MAL2: variants seen among roughly 807,000 people sequenced by gnomAD.
The protein encoded by MAL2 is protein MAL2.
Under a neutral mutation model 18.1 loss-of-function variants are expected in MAL2, and 17 were observed. The ratio of observed to expected loss-of-function variants is 0.94; its 90% CI spans 0.64 to 1.41. The LOEUF is 1.41. Ranked by LOEUF, MAL2 falls within the 40% of genes most tolerant of loss-of-function variation. The pLI, the probability that MAL2 is intolerant of heterozygous loss-of-function variation, is 0.00. For synonymous variants in MAL2, 102 were observed against 102.3 expected (o/e 1.00, Z 0.02); for missense variants, 222 against 231.9 (o/e 0.96, Z 0.28).
intron 2 of MAL2, among the ~76,000 whole-genome samples, chr8:119,231,407 T>A (rs1162899477): frequency 1.3e-5 from 2 of 152,238 alleles, no homozygotes; most frequent in Non-Finnish European, 2.9e-5. Context: ...TGCTCTCCTT[T>A]GTAATATTGC....
intron 2 of MAL2, among the ~76,000 whole-genome samples, chr8:119,238,085 A>G (rs1817952960): frequency 6.6e-6 from 1 of 152,258 alleles, no homozygotes; most frequent in African/African-American, 2.4e-5. Context: ...AACTTCAGCA[A>G]AGTCTCAGGA....
intron 1 of MAL2, among the ~76,000 whole-genome samples, chr8:119,218,741 A>G (rs867007773): frequency 3.3e-5 from 5 of 152,178 alleles, no homozygotes; most frequent in African/African-American, 1.2e-4. Flanking sequence ...CCAAAGGATC[A>G]TATAGCCTCC....
intron 1 of MAL2, 53 bp from the exon 2 acceptor site, chr8:119,221,534 T>C (rs2129810281): frequency 6.3e-7 from 1 of 1,598,998 alleles, no homozygotes; most frequent in Non-Finnish European, 8.6e-7. Context: ...TTTAATTCTG[T>C]TGTGTGAAAG....
chr8:119,234,881 A>G (rs1817841546), intron 2 of MAL2, among the ~76,000 whole-genome samples: 1 of 152,088 alleles, frequency 6.6e-6, no homozygotes, highest in African/African-American at 2.4e-5. Context: ...TAAAAACTGG[A>G]AACTCTAAAA....
chr8:119,230,714 T>A (rs1817702465), intron 2 of MAL2, among the ~76,000 whole-genome samples: 1 of 152,214 alleles, frequency 6.6e-6, no homozygotes, highest in African/African-American at 2.4e-5. Flanking sequence ...GAGTGCCTAA[T>A]GATCTCAGAC....
intron 1 of MAL2, among the ~76,000 whole-genome samples, chr8:119,219,477 T>A (rs2129799051): frequency 6.6e-6 from 1 of 152,230 alleles, no homozygotes; most frequent in Admixed American, 6.5e-5. Flanking sequence ...CTAGCTTGTT[T>A]ACTAAGCAAA....
intron 2 of MAL2, among the ~76,000 whole-genome samples, chr8:119,238,307 C>T (rs58857566): frequency 0.078 from 11,923 of 152,178 alleles, 1,353 homozygotes; most frequent in African/African-American, 0.25. Flanking sequence ...ACATTCCATG[C>T]TCATGGGTAG....
chr8:119,235,427 AGATTCAG>A (rs1191188194), intron 2 of MAL2, among the ~76,000 whole-genome samples: 1 of 152,120 alleles, frequency 6.6e-6, no homozygotes, highest in African/African-American at 2.4e-5. Flanking sequence ...GCCAACATTC[AGATTCAG>A]GAAATACAGA....
chr8:119,228,412 T>G (rs1180682867), intron 2 of MAL2, among the ~76,000 whole-genome samples: 1 of 152,188 alleles, frequency 6.6e-6, no homozygotes, highest in Non-Finnish European at 1.5e-5. Flanking sequence ...AAACTCTTGC[T>G]TTTACCCCTA....
At chr8:119,237,816 A>T (rs1283630910) in intron 2 of MAL2, among the ~76,000 whole-genome samples, 2 of 152,010 alleles carry the variant, frequency 1.3e-5, no homozygotes, top group Non-Finnish European at 2.9e-5. Flanking sequence ...TCTATGACAA[A>T]CCCACAGCCA....
In MAL2 at chr8:119,224,987, T is replaced by A. The variant is rs532072235; in HGVS notation, c.303+3230T>A. Among the ~76,000 whole-genome samples, 354 of 152,214 alleles carry A rather than the reference T, an allele frequency of 2.3e-3. 7 individuals carry two copies. The highest frequency in any genetic ancestry group is 2.0e-3 in the Non-Finnish European group (136 of 68,008). On this transcript the variant is annotated intron_variant, in intron 2 of 3. Transcript: ENST00000614891. ...ATTTTTACAAATGAGAAAACTGAGG[T>A]TCAAAGTGGTTGTCATCCATTTTTC...
intron 2 of MAL2, among the ~76,000 whole-genome samples, chr8:119,231,056 G>T (rs928372072): frequency 6.6e-6 from 1 of 151,986 alleles, no homozygotes; most frequent in African/African-American, 2.4e-5. Flanking sequence ...TTTTGAGGCA[G>T]AGTCTTGCTC....
At chr8:119,234,126 G>A (rs1181675246) in intron 2 of MAL2, among the ~76,000 whole-genome samples, 1 of 152,224 alleles carries the variant, frequency 6.6e-6, no homozygotes, top group Admixed American at 6.5e-5. Context: ...CCGAAGCAGG[G>A]CGAGGCATTG....
At chr8:119,218,256 C>G (rs1281014160) in intron 1 of MAL2, among the ~76,000 whole-genome samples, 1 of 152,102 alleles carries the variant, frequency 6.6e-6, no homozygotes, top group Non-Finnish European at 1.5e-5. Flanking sequence ...CCTTTCCATG[C>G]AGCACATACC....
intron 1 of MAL2, chr8:119,215,685 C>T (rs78668612): frequency 6.6e-6 from 1 of 152,156 alleles, no homozygotes; most frequent in Non-Finnish European, 1.5e-5. Flanking sequence ...TGGCAGCATG[C>T]TAGGCAGAAA....
intron 1 of MAL2, among the ~76,000 whole-genome samples, chr8:119,211,078 CATCTT>C (rs1385783812): frequency 2.6e-5 from 4 of 152,194 alleles, no homozygotes; most frequent in Non-Finnish European, 5.9e-5. Context: ...TTAGAATACT[CATCTT>C]GAGTGGATGT....
chr8:119,229,891 T>C (rs926966788), intron 2 of MAL2, among the ~76,000 whole-genome samples: 8 of 152,256 alleles, frequency 5.3e-5, no homozygotes, highest in Non-Finnish European at 1.0e-4. Flanking sequence ...GCAGTTCCAC[T>C]CTGGTGGGTA....
At chr8:119,210,725 C>G (rs1324409080) in intron 1 of MAL2, among the ~76,000 whole-genome samples, 2 of 152,218 alleles carry the variant, frequency 1.3e-5, no homozygotes, top group Non-Finnish European at 2.9e-5. Context: ...TATCTCATTT[C>G]CTCTGGCTTC....
chr8:119,213,924 A>C (rs1011465596), intron 1 of MAL2, among the ~76,000 whole-genome samples: 1 of 152,224 alleles, frequency 6.6e-6, no homozygotes, highest in Non-Finnish European at 1.5e-5. Flanking sequence ...TCCGACTGGC[A>C]GTCCTTTAAA....
Sources: allele counts gnomAD v4.1 joint callset (sites outside exome capture counted in the v4.1 genomes callset), GRCh38; gene constraint gnomAD v4.1.1; transcripts MANE v1.5; gene names NCBI Gene and HGNC (gene_info 2026-07-23, HGNC 2026-07-21).